The following ADGRA1 variants were observed in gnomAD, a reference collection of about 807,000 sequenced individuals.
The protein encoded by ADGRA1 is G-protein coupled receptor 123.
A neutral mutation model predicts 21.3 loss-of-function variants in ADGRA1; 12 were observed. The ratio of observed to expected loss-of-function variants is 0.56; its 90% CI spans 0.36 to 0.91. ADGRA1 has a LOEUF of 0.91. Among genes scored for constraint, ADGRA1 ranks in the 40% least tolerant of loss-of-function variants. ADGRA1 has a pLI of 0.01. For synonymous variants in ADGRA1, 385 were observed against 368.8 expected, an observed-to-expected ratio of 1.04 and a Z score of -0.50; for missense variants, 790 against 805.6, an observed-to-expected ratio of 0.98 and a Z score of 0.23.
chr10:133,112,684 G>A (rs1203230737), intron 5 of ADGRA1, among the ~76,000 whole-genome samples: 1 of 147,114 alleles, frequency 6.8e-6, no homozygotes, highest in Non-Finnish European at 1.5e-5. Context: ...GGTTATTTGG[G>A]GTCTACGGGC....
chr10:133,114,280 G>A (rs773003544), intron 5 of ADGRA1, among the ~76,000 whole-genome samples: 2 of 152,216 alleles, frequency 1.3e-5, no homozygotes, highest in Non-Finnish European at 2.9e-5. Flanking sequence ...GTGGCCTGAC[G>A]TCCTGGGACA....
At position 133,105,840 on chromosome 10, in the gene ADGRA1, C is replaced by T. The variant is rs537126836; in HGVS notation, c.401+2998C>T. ...AGCAGCGAGAAGCCAGCAGCCTCTG[C>T]GGCCCGAACGTTCCAGCTGCAGGGG... On this transcript the variant is annotated intron_variant, in intron 5 of 6. Coordinates refer to ENST00000392607, the MANE Select transcript of ADGRA1 (RefSeq NM_001083909.3). Among the ~76,000 whole-genome samples, 24 of 152,336 alleles carry T rather than the reference C, an allele frequency of 1.6e-4. No individual in the cohort carries two copies. In the South Asian group the frequency reaches 3.9e-3, roughly 25 times the overall value.
intron 4 of ADGRA1, among the ~76,000 whole-genome samples, chr10:133,101,865 C>T (rs947751693): frequency 1.3e-5 from 2 of 152,172 alleles, no homozygotes; most frequent in Admixed American, 6.5e-5. Flanking sequence ...CGCAGCCCTC[C>T]GATCTTTCCA....
chr10:133,117,963 C>T (rs966827067), intron 5 of ADGRA1, among the ~76,000 whole-genome samples: 2 of 152,228 alleles, frequency 1.3e-5, no homozygotes, highest in Admixed American at 6.5e-5. Context: ...GGGGCTGCGG[C>T]CAGTTGACTG....
chr10:133,100,061 C>A (rs1425196349), intron 4 of ADGRA1, among the ~76,000 whole-genome samples: 5 of 152,254 alleles, frequency 3.3e-5, no homozygotes, highest in Non-Finnish European at 4.4e-5. Context: ...CTGGGACGGG[C>A]CGGGCAGGCG....
rs2135859417 is a variant in ADGRA1 at position 133,088,829 on chromosome 10, G to A, written c.-81G>A. On this transcript the variant is annotated 5_prime_UTR_variant, in exon 2 of 7. Coordinates refer to ENST00000392607, the MANE Select transcript of ADGRA1 (RefSeq NM_001083909.3). ...CCTTCCAGAGGCCATGGAGGCTGGC[G>A]GGGAGCAGGGCGCCACCTGATCGCC... 2 of 1,235,288 alleles carry A rather than the reference G, an allele frequency of 1.6e-6. No homozygotes were observed. Among genetic ancestry groups the A allele is most frequent in the Non-Finnish European group, 2.0e-6 (2 of 987,962 alleles). 76.5% of individuals were successfully genotyped at this position (1,235,288 alleles called of 1,614,324 possible). A position where few individuals can be genotyped will look rare whatever the true frequency, so the allele number is the denominator to read the frequency against.
At chr10:133,108,035 C>A (rs1323085249) in intron 5 of ADGRA1, among the ~76,000 whole-genome samples, 1 of 152,236 alleles carries the variant, frequency 6.6e-6, no homozygotes, top group East Asian at 1.9e-4. Flanking sequence ...CCTGCCCTGG[C>A]CAGCCCAGCC....
chr10:133,104,680 C>T (rs754808115), intron 5 of ADGRA1, among the ~76,000 whole-genome samples: 10 of 152,164 alleles, frequency 6.6e-5, no homozygotes, highest in Admixed American at 5.9e-4. Context: ...CACACAGTGC[C>T]GTGTTCCAGC....
At chr10:133,122,284 G>A (rs1442897639) in intron 5 of ADGRA1, among the ~76,000 whole-genome samples, 6 of 152,208 alleles carry the variant, frequency 3.9e-5, no homozygotes, top group East Asian at 1.9e-4. Flanking sequence ...CAGCCATGGC[G>A]GGAACAGAGC....
intron 5 of ADGRA1, among the ~76,000 whole-genome samples, chr10:133,121,850 C>T (rs1242078870): frequency 1.9e-4 from 19 of 102,584 alleles, no homozygotes; most frequent in South Asian, 9.6e-4. Context: ...TGTGCCTGTG[C>T]GTGTGTGAAT....
At chr10:133,127,060 G>T (rs1279713428) in intron 5 of ADGRA1, among the ~76,000 whole-genome samples, 173 bp from the exon 6 acceptor site, 1 of 151,684 alleles carries the variant, frequency 6.6e-6, no homozygotes, top group Non-Finnish European at 1.5e-5. Flanking sequence ...GCCGGCACTG[G>T]CTGCTCGGTC....
chr10:133,121,426 T>TGC, intron 5 of ADGRA1, among the ~76,000 whole-genome samples: 1 of 146,652 alleles, frequency 6.8e-6, no homozygotes, highest in Non-Finnish European at 1.5e-5. Flanking sequence ...GTGTGTGGTG[T>TGC]GTCAGTGTGC....
chr10:133,115,845 C>T (rs190414550), intron 5 of ADGRA1, among the ~76,000 whole-genome samples: 2 of 152,324 alleles, frequency 1.3e-5, no homozygotes, highest in Non-Finnish European at 2.9e-5. Flanking sequence ...GACACCACTG[C>T]CAGGTCCTGG....
At chr10:133,119,231 C>G (rs60931260) in intron 5 of ADGRA1, among the ~76,000 whole-genome samples, 2 of 148,492 alleles carry the variant, frequency 1.3e-5, no homozygotes, top group South Asian at 4.5e-4. Flanking sequence ...GAGGTCTCCG[C>G]GGACCTTACA....
intron 5 of ADGRA1, among the ~76,000 whole-genome samples, chr10:133,122,533 T>C (rs762198031): frequency 2.6e-5 from 4 of 152,256 alleles, no homozygotes; most frequent in Non-Finnish European, 5.9e-5. Context: ...GCCTGTTTCT[T>C]GTCTCTTTCT....
rs896093152 is a variant in ADGRA1, at chr10:133,088,051, G to C, written c.-290G>C. 1 of 985,178 alleles carries C rather than the reference G, an allele frequency of 1.0e-6. No homozygotes were observed. Among genetic ancestry groups the C allele is most frequent in the Non-Finnish European group, 1.2e-6 (1 of 829,854 alleles). 61.0% of individuals were successfully genotyped at this position (985,178 alleles called of 1,614,324 possible). A position where few individuals can be genotyped will look rare whatever the true frequency, so the allele number is the denominator to read the frequency against. ...AGCTCGGCCGCTGCCCTCGCGAATG[G>C]AGAGCGGGTCCCCGGCGGGGGGAGC... On this transcript the variant is annotated 5_prime_UTR_variant, in exon 1 of 7. Coordinates refer to ENST00000392607, the MANE Select transcript of ADGRA1 (RefSeq NM_001083909.3).
chr10:133,102,102 A>T (rs1851805333), intron 4 of ADGRA1: 6 of 411,078 alleles, frequency 1.5e-5, no homozygotes, highest in Non-Finnish European at 2.5e-5. Flanking sequence ...GTAATAAGCA[A>T]ACGCAGGAAG....
intron 5 of ADGRA1, among the ~76,000 whole-genome samples, chr10:133,123,460 A>G (rs1192535879): frequency 5.3e-5 from 8 of 152,026 alleles, no homozygotes; most frequent in African/African-American, 1.9e-4. Flanking sequence ...TCCTCATGCC[A>G]CATCCACACC....
intron 6 of ADGRA1, among the ~76,000 whole-genome samples, chr10:133,128,003 AC>A (rs2135912094): frequency 3.1e-4 from 1 of 3,270 alleles, no homozygotes; most frequent in East Asian, 6.8e-3. Context: ...GGCCCCACCC[AC>A]CCCACACCAG....
Sources: gnomAD v4.1 joint callset for allele counts (sites outside exome capture counted in the v4.1 genomes callset) on GRCh38, gnomAD v4.1.1 for gene constraint, MANE v1.5 for transcripts, NCBI Gene and HGNC (gene_info 2026-07-23, HGNC 2026-07-21) for gene names.